MRTFA: variants seen among roughly 807,000 people sequenced by gnomAD.
The protein encoded by MRTFA is myocardin related transcription factor A.
In MRTFA, 20 loss-of-function variants were observed where a neutral mutation model predicts 83.5. That is an observed-to-expected ratio of 0.24 (90% CI 0.17 to 0.35). The LOEUF (loss-of-function observed/expected upper bound fraction) is 0.35, where lower values mean the gene tolerates loss of function less well. Ranked by LOEUF, MRTFA falls within the 10% of genes least tolerant of loss-of-function variation. The pLI is 1.00. For synonymous variants in MRTFA, 659 were observed against 541.2 expected, an observed-to-expected ratio of 1.22 and a Z score of -3.02; for missense variants, 1,200 against 1,224.7, an observed-to-expected ratio of 0.98 and a Z score of 0.30.
At chr22:40,573,544 C>T (rs1294809056) in intron 2 of MRTFA, among the ~76,000 whole-genome samples, 1 of 152,048 alleles carries the variant, frequency 6.6e-6, no homozygotes, top group Non-Finnish European at 1.5e-5. Flanking sequence ...CATGAACCAC[C>T]GTGCCTGGCT....
chr22:40,411,133 G>T lies in MRTFA; in HGVS notation c.*257C>A. ...CAAAAAAGGAGGTCAAGCTGAAATG[G>T]CCCTGACCCTGACCGTGTGTCCAAA... On this transcript the variant is annotated 3_prime_UTR_variant, in exon 15 of 15. Coordinates refer to ENST00000355630, the MANE Select transcript of MRTFA (RefSeq NM_020831.6). 2.6e-6 allele frequency: 1 copy of T among 382,080 alleles called. No homozygotes were observed. Among genetic ancestry groups the T allele is most frequent in the Non-Finnish European group, 4.7e-6 (1 of 214,338 alleles). The allele number at this position is 382,080 out of a possible 1,614,324, so 23.7% of individuals were successfully genotyped here. A position where few individuals can be genotyped will look rare whatever the true frequency, so the allele number is the denominator to read the frequency against.
intron 3 of MRTFA, among the ~76,000 whole-genome samples, chr22:40,463,972 G>GA (rs1245845165): frequency 4.6e-5 from 7 of 151,932 alleles, no homozygotes; most frequent in Non-Finnish European, 8.8e-5. Context: ...ACTGCTTAAT[G>GA]AAAAAACTTA....
intron 2 of MRTFA, among the ~76,000 whole-genome samples, chr22:40,560,947 T>C (rs1676922702): frequency 1.3e-5 from 2 of 152,234 alleles, no homozygotes; most frequent in African/African-American, 4.8e-5. Context: ...GCACAATTCT[T>C]TATCATGACC....
At chr22:40,487,091 C>A (rs910084547) in intron 3 of MRTFA, among the ~76,000 whole-genome samples, 3 of 152,150 alleles carry the variant, frequency 2.0e-5, no homozygotes, top group African/African-American at 7.2e-5. Flanking sequence ...GTGTGTATCA[C>A]ACAGTTCACT....
intron 2 of MRTFA, among the ~76,000 whole-genome samples, chr22:40,580,277 C>T (rs2055927903): frequency 1.3e-5 from 2 of 152,128 alleles, no homozygotes; most frequent in Non-Finnish European, 2.9e-5. Flanking sequence ...TGGCTCACTA[C>T]AGCCTCAAAC....
chr22:40,608,954 A>C (rs2056351741), intron 1 of MRTFA, among the ~76,000 whole-genome samples: 1 of 152,164 alleles, frequency 6.6e-6, no homozygotes, highest in African/African-American at 2.4e-5. Context: ...AGTTTTGGTA[A>C]AGATGTGGAG....
rs183406818 is a variant in MRTFA, at chr22:40,491,199, G to A, written c.242-27913C>T. ...TCTACAAAAAATATAAAAATTAGCCGGGTGCAGTGGTGCACGCCTGTAGTC... is the reference window on the plus strand; with the variant it reads ...TCTACAAAAAATATAAAAATTAGCCAGGTGCAGTGGTGCACGCCTGTAGTC... On this transcript the variant is annotated intron_variant, in intron 3 of 14. Transcript: ENST00000355630. 5.0e-3 allele frequency among the ~76,000 whole-genome samples: 763 copies of A among 152,130 alleles called. 4 individuals are homozygous for A. The highest frequency in any genetic ancestry group is 7.0e-3 in the Non-Finnish European group (477 of 67,994).
chr22:40,597,787 C>A (rs1378876031), intron 1 of MRTFA, among the ~76,000 whole-genome samples: 1 of 152,186 alleles, frequency 6.6e-6, no homozygotes, highest in Non-Finnish European at 1.5e-5. Flanking sequence ...CCCAAGGCAA[C>A]AGGCATTTTG....
At chr22:40,611,009 C>G (rs527301901) in intron 1 of MRTFA, among the ~76,000 whole-genome samples, 38 of 148,004 alleles carry the variant, frequency 2.6e-4, no homozygotes, top group African/African-American at 8.8e-4. Context: ...GCCATCTCGG[C>G]TCACTGCAAC....
At chr22:40,548,413 T>C (rs917571420) in intron 3 of MRTFA, among the ~76,000 whole-genome samples, 1 of 145,310 alleles carries the variant, frequency 6.9e-6, no homozygotes, top group Non-Finnish European at 1.5e-5. Flanking sequence ...GAGGGGCATC[T>C]AACACTAAAT....
At chr22:40,489,272 T>A (rs912252781) in intron 3 of MRTFA, among the ~76,000 whole-genome samples, 2 of 152,094 alleles carry the variant, frequency 1.3e-5, no homozygotes, top group Non-Finnish European at 2.9e-5. Context: ...TGAGGCAAAA[T>A]CTGTTTCTCT....
intron 2 of MRTFA, among the ~76,000 whole-genome samples, chr22:40,561,145 C>A (rs1375182000): frequency 1.3e-5 from 2 of 149,802 alleles, no homozygotes; most frequent in Non-Finnish European, 3.0e-5. Context: ...CTTACTGTCT[C>A]AGCAGGTATG....
intron 3 of MRTFA, among the ~76,000 whole-genome samples, chr22:40,519,268 G>C (rs2147255557): frequency 6.6e-6 from 1 of 152,138 alleles, no homozygotes; most frequent in East Asian, 1.9e-4. Context: ...GTGAGGATGG[G>C]TACATGGCGT....
chr22:40,459,828 TAC>T (rs1334882705), intron 4 of MRTFA, among the ~76,000 whole-genome samples: 120 of 90,950 alleles, frequency 1.3e-3, no homozygotes, highest in Middle Eastern at 5.4e-3. Context: ...CACACATATA[TAC>T]ATATATATAT....
rs1359444884 is a variant in MRTFA at position 40,617,172 on chromosome 22, GGGAAGGAGGGAA to G, written c.-84+19294_-84+19305del. Among the ~76,000 whole-genome samples, 84 of 95,262 alleles carry G rather than the reference GGGAAGGAGGGAA, an allele frequency of 8.8e-4. 1 individual carries two copies. The highest frequency in any genetic ancestry group is 5.5e-3 in the Middle Eastern group (1 of 182). 62.5% of individuals were successfully genotyped at this position (95,262 alleles called of 152,430 possible). ...AAGGAAGGAAGGAAGGAGGGAAGGA[GGGAAGGAGGGAA>G]GGAGGGAGGGAGGGAGGGAGGGAGG... On this transcript the variant is annotated intron_variant, in intron 1 of 14. Coordinates refer to ENST00000355630, the MANE Select transcript of MRTFA (RefSeq NM_020831.6).
At chr22:40,438,020 C>T (rs1295462738) in intron 4 of MRTFA, among the ~76,000 whole-genome samples, 1 of 152,062 alleles carries the variant, frequency 6.6e-6, no homozygotes, top group African/African-American at 2.4e-5. Context: ...GAGGATTCTG[C>T]GGCAGAGCTC....
At chr22:40,425,071 G>A (rs2147082323) in intron 7 of MRTFA, among the ~76,000 whole-genome samples, 1 of 152,336 alleles carries the variant, frequency 6.6e-6, no homozygotes, top group South Asian at 2.1e-4. Context: ...TGGGGCACCA[G>A]AAGAAAACAT....
intron 4 of MRTFA, among the ~76,000 whole-genome samples, chr22:40,444,353 GAA>G (rs1924894434): frequency 6.6e-6 from 1 of 152,148 alleles, no homozygotes; most frequent in African/African-American, 2.4e-5. Context: ...CAGAAGTGAT[GAA>G]AGAGAGGAAA....
At chr22:40,499,603 A>C (rs533410099) in intron 3 of MRTFA, among the ~76,000 whole-genome samples, 1 of 152,196 alleles carries the variant, frequency 6.6e-6, no homozygotes, top group Non-Finnish European at 1.5e-5. Context: ...TGAAAAAAAA[A>C]TTTTTAACCA....
Sources: allele counts gnomAD v4.1 joint callset (sites outside exome capture counted in the v4.1 genomes callset), GRCh38; gene constraint gnomAD v4.1.1; transcripts MANE v1.5; gene names NCBI Gene and HGNC (gene_info 2026-07-23, HGNC 2026-07-21).